Variants in WDR91 observed in about 807,000 individuals in gnomAD.
WDR91 encodes the protein WD repeat domain 91.
In WDR91, 52 loss-of-function variants were observed where a neutral mutation model predicts 88.4. The ratio of observed to expected loss-of-function variants is 0.59; its 90% CI spans 0.47 to 0.74. The LOEUF (loss-of-function observed/expected upper bound fraction) is 0.74, where lower values mean the gene tolerates loss of function less well. Among genes scored for constraint, WDR91 ranks in the 30% least tolerant of loss-of-function variants. The pLI, the probability that WDR91 is intolerant of heterozygous loss-of-function variation, is 0.00. For synonymous variants in WDR91, 362 were observed against 389.5 expected, an observed-to-expected ratio of 0.93 and a Z score of 0.83; for missense variants, 824 against 954.5, an observed-to-expected ratio of 0.86 and a Z score of 1.80.
chr7:135,187,952 CCT>C (rs1562944116), intron 13 of WDR91, among the ~76,000 whole-genome samples: 1 of 152,202 alleles, frequency 6.6e-6, no homozygotes, highest in African/African-American at 2.4e-5. Context: ...GCCAGCTCCC[CCT>C]CTGAGGCAGT....
At chr7:135,208,728 T>C (rs1831898832) in intron 3 of WDR91, 63 bp downstream of exon 3, 3 of 1,433,522 alleles carry the variant, frequency 2.1e-6, no homozygotes, top group East Asian at 2.4e-5. Flanking sequence ...ACCAGCGGGC[T>C]ACTGATCCTG....
chr7:135,204,232 C>T, intron 6 of WDR91, 36 bp downstream of exon 6: 1 of 1,606,044 alleles, frequency 6.2e-7, no homozygotes. Flanking sequence ...TCACGGCCTT[C>T]TTGGCCAGAG....
chr7:135,187,554 T>TATTATC (rs1830998444), intron 13 of WDR91, among the ~76,000 whole-genome samples: 1 of 152,170 alleles, frequency 6.6e-6, no homozygotes, highest in Non-Finnish European at 1.5e-5. Flanking sequence ...ATATTATTAT[T>TATTATC]ATTATTATCA....
chr7:135,210,880 A>C (rs963589113), intron 1 of WDR91: 3 of 703,594 alleles, frequency 4.3e-6, no homozygotes, highest in Non-Finnish European at 7.8e-6. Context: ...GGGTTTCTCT[A>C]ATGTGCCATG....
At chr7:135,209,106 AAGTGGCAAAAT>A (rs1428041561) in intron 2 of WDR91, 108 bp from the exon 3 acceptor site, 1 of 868,138 alleles carries the variant, frequency 1.2e-6, no homozygotes, top group African/African-American at 1.7e-5. Flanking sequence ...CCTGCCAGGT[AAGTGGCAAAAT>A]AAAATTCCAT....
rs140727697 is a variant in WDR91, at chr7:135,207,203, G to T, written c.512-1C>A. The T allele has an allele frequency of 1.2e-6, 2 of 1,603,690 alleles. No homozygotes were observed. Among genetic ancestry groups the T allele is most frequent in the South Asian group, 1.1e-5 (1 of 90,946 alleles). On this transcript the variant is annotated splice_acceptor_variant, in intron 3 of 14. Coordinates refer to ENST00000354475, the MANE Select transcript of WDR91 (RefSeq NM_014149.4). LOFTEE classifies it high-confidence loss of function. Reference sequence around the variant, plus strand: ...TCAAAGTTCAGGATCACAGGGACTGGTGCACGAAGTTAAAGAATAAGCCAG... The same window carrying T: ...TCAAAGTTCAGGATCACAGGGACTGTTGCACGAAGTTAAAGAATAAGCCAG...
chr7:135,205,410 G>A (rs893730023), intron 5 of WDR91, among the ~76,000 whole-genome samples: 3 of 152,150 alleles, frequency 2.0e-5, no homozygotes, highest in South Asian at 2.1e-4. Context: ...CCACAGGCTC[G>A]GAGGCTCAGA....
In WDR91 at chr7:135,210,557, G is replaced by A. The variant is rs1831977604; in HGVS notation, c.124-802C>T. On this transcript the variant is annotated intron_variant, in intron 1 of 14. Transcript: ENST00000354475. ...GCTGCTCAGAGTGTCAGCCAAGGAA[G>A]TCACCTTCTTGTGAGGAGCAATTAC... Among the ~76,000 whole-genome samples the A allele has an allele frequency of 2.6e-5, 4 of 152,210 alleles. No individual in the cohort carries two copies. In the South Asian group the frequency reaches 8.3e-4, roughly 32 times the overall value.
chr7:135,191,052 T>G (rs1409169801), intron 11 of WDR91, among the ~76,000 whole-genome samples: 1 of 152,040 alleles, frequency 6.6e-6, no homozygotes, highest in Non-Finnish European at 1.5e-5. Context: ...GAGAACCAGG[T>G]AAGATTTTAA....
Position 135,186,246 on chromosome 7 carries a change from C to T in WDR91, c.2149G>A (p.Val717Met), listed in dbSNP as rs138655016. The part of the protein sequence containing the change: ...LGGHRAPVVT[V>M]DWSTAMDCGT... ...CAGTCCATGGCAGTGCTCCAGTCCACGGTGACCACAGGGGCTCGGTGGCCA... is the reference window on the plus strand; with the variant it reads ...CAGTCCATGGCAGTGCTCCAGTCCATGGTGACCACAGGGGCTCGGTGGCCA... The change falls in exon 15 of 15, where the codon GTG becomes ATG. Residue 717 changes from valine (V) to methionine (M), a missense_variant. By Grantham distance (21) the Val-to-Met change is conservative. Transcript: ENST00000354475. The T allele has an allele frequency of 1.2e-4, 197 of 1,611,522 alleles. No homozygotes were observed. The highest frequency in any genetic ancestry group is 1.5e-4 in the Non-Finnish European group (172 of 1,179,028).
intron 11 of WDR91, 134 bp downstream of exon 11, chr7:135,193,097 T>C (rs897808571): frequency 4.9e-5 from 65 of 1,321,148 alleles, no homozygotes; most frequent in Non-Finnish European, 6.7e-5. Context: ...TGGAGTACAC[T>C]ACTTTTCAAC....
rs1481452292 is a variant in WDR91 at position 135,185,347 on chromosome 7, A to G, written c.*804T>C. The stretch of plus-strand genomic sequence containing the variant: ...TTCATGTTTAGACATGAGACCTACC[A>G]AGATACCTCATTATGTATATATGCA... On this transcript the variant is annotated 3_prime_UTR_variant, in exon 15 of 15. Transcript: ENST00000354475. 2 of 152,240 alleles carry G rather than the reference A, an allele frequency of 1.3e-5. No individual in the cohort carries two copies. The highest frequency in any genetic ancestry group is 2.9e-5 in the Non-Finnish European group (2 of 68,036). The allele number at this position is 152,240 out of a possible 1,614,324, so 9.4% of individuals were successfully genotyped here.
intron 7 of WDR91, 57 bp downstream of exon 7, chr7:135,197,936 C>G (rs1831430874): frequency 1.1e-5 from 18 of 1,574,876 alleles, no homozygotes; most frequent in Non-Finnish European, 1.6e-5. Context: ...AGACCCCCCA[C>G]AGTGTTCCTC....
intron 9 of WDR91, 58 bp from the exon 10 acceptor site, chr7:135,193,730 G>A: frequency 6.7e-7 from 1 of 1,499,822 alleles, no homozygotes; most frequent in Non-Finnish European, 9.2e-7. Flanking sequence ...CTGAGTCAGG[G>A]AGGATCTCCA....
At chr7:135,205,239 C>G (rs1184454288) in intron 5 of WDR91, among the ~76,000 whole-genome samples, 2 of 152,248 alleles carry the variant, frequency 1.3e-5, no homozygotes, top group African/African-American at 4.8e-5. Context: ...AGGAATGCAT[C>G]CAACCTGTGG....
At chr7:135,195,217 G>C in intron 8 of WDR91, 133 bp from the exon 9 acceptor site, 1 of 900,882 alleles carries the variant, frequency 1.1e-6, no homozygotes, top group Non-Finnish European at 1.7e-6. Context: ...TACATTCAAA[G>C]GACTGGTATA....
At chr7:135,204,219 C>A (rs1831677261) in intron 6 of WDR91, 49 bp downstream of exon 6, 1 of 1,596,590 alleles carries the variant, frequency 6.3e-7, no homozygotes, top group Non-Finnish European at 8.6e-7. Flanking sequence ...GCACAGGGAG[C>A]TGTCACGGCC....
chr7:135,205,840 G>A, intron 5 of WDR91, 88 bp downstream of exon 5: 2 of 1,578,520 alleles, frequency 1.3e-6, no homozygotes, highest in Non-Finnish European at 1.7e-6. Flanking sequence ...CAGGCACAGA[G>A]GACTGCAGGC....
At chr7:135,186,875 G>A (rs2117620262) in intron 14 of WDR91, 97 bp downstream of exon 14, 2 of 1,426,924 alleles carry the variant, frequency 1.4e-6, no homozygotes, top group South Asian at 1.2e-5. Context: ...TGCAGCTCGG[G>A]GTAGAGGGCC....
Sources: gnomAD v4.1 joint callset for allele counts (sites outside exome capture counted in the v4.1 genomes callset) on GRCh38, gnomAD v4.1.1 for gene constraint, MANE v1.5 for transcripts, NCBI Gene and HGNC (gene_info 2026-07-23, HGNC 2026-07-21) for gene names.